The following MYO1E variants were observed in gnomAD, a reference collection of about 807,000 sequenced individuals.
The protein encoded by MYO1E is myosin IE.
Under a neutral mutation model 151.1 loss-of-function variants are expected in MYO1E, and 68 were observed. The observed-to-expected ratio is 0.45, with a 90% CI of 0.37 to 0.55. MYO1E has a LOEUF of 0.55. Ranked by LOEUF, MYO1E falls within the 20% of genes least tolerant of loss-of-function variation. The pLI, the probability that MYO1E is intolerant of heterozygous loss-of-function variation, is 0.00. For missense variants in MYO1E, 1,363 were observed against 1,389.3 expected (o/e 0.98, Z 0.30); for synonymous variants, 601 against 501.7 (o/e 1.20, Z -2.64).
At chr15:59,207,245 T>C (rs773984286) in intron 14 of MYO1E, 1 of 1,614,232 alleles carries the variant, frequency 6.2e-7, no homozygotes, top group Admixed American at 1.7e-5. Context: ...CTTGTGGATC[T>C]TGATGAAGAC....
chr15:59,214,664 G>A lies in MYO1E; in HGVS notation c.1164C>T (p.Asp388=), dbSNP rs1566981210. The change falls in exon 11 of 28, where the codon GAC becomes GAT. Residue 388 remains aspartate (D), a synonymous_variant. Coordinates refer to ENST00000288235, the MANE Select transcript of MYO1E (RefSeq NM_004998.4). ...CCTGGAATATTTCAAAGCCATAGATGTCTAGGACGCCAATGTTGTATTCTT... is the reference window on the plus strand; with the variant it reads ...CCTGGAATATTTCAAAGCCATAGATATCTAGGACGCCAATGTTGTATTCTT... The part of the protein sequence containing the change: ...DHEEYNIGVL[D]IYGFEIFQKN... The A allele has an allele frequency of 1.9e-6, 3 of 1,613,578 alleles. No homozygotes were observed. The highest frequency in any genetic ancestry group is 2.5e-6 in the Non-Finnish European group (3 of 1,179,484).
chr15:59,315,657 C>G (rs1328831588), intron 1 of MYO1E, among the ~76,000 whole-genome samples: 1 of 151,928 alleles, frequency 6.6e-6, no homozygotes, highest in Non-Finnish European at 1.5e-5. Context: ...AGACATGATA[C>G]TTATATCACT....
At chr15:59,218,870 C>A (rs1304561345) in intron 9 of MYO1E, among the ~76,000 whole-genome samples, 1 of 152,140 alleles carries the variant, frequency 6.6e-6, no homozygotes, top group Non-Finnish European at 1.5e-5. Flanking sequence ...GTGTGGGAGA[C>A]ATGATCAAGA....
intron 19 of MYO1E, among the ~76,000 whole-genome samples, chr15:59,177,469 CA>C (rs1487889967): frequency 6.6e-6 from 1 of 152,134 alleles, no homozygotes; most frequent in East Asian, 1.9e-4. Flanking sequence ...TGTGAGTTCC[CA>C]TATGATTTCC....
chr15:59,349,825 G>A (rs2080814236), intron 1 of MYO1E, among the ~76,000 whole-genome samples: 1 of 152,136 alleles, frequency 6.6e-6, no homozygotes, highest in Non-Finnish European at 1.5e-5. Flanking sequence ...TCCTTAACAG[G>A]CAACATGCAA....
At chr15:59,249,856 C>A (rs1044813374) in intron 4 of MYO1E, among the ~76,000 whole-genome samples, 1 of 152,198 alleles carries the variant, frequency 6.6e-6, no homozygotes, top group African/African-American at 2.4e-5. Flanking sequence ...CCTGCCCCAT[C>A]CAGTGTCAGG....
At chr15:59,264,402 C>T (rs755572925) in intron 2 of MYO1E, among the ~76,000 whole-genome samples, 4 of 152,070 alleles carry the variant, frequency 2.6e-5, no homozygotes, top group Admixed American at 6.6e-5. Context: ...GGTACTGTTG[C>T]GTTAATATTA....
intron 4 of MYO1E, among the ~76,000 whole-genome samples, chr15:59,252,545 T>C (rs2080171177): frequency 6.6e-6 from 1 of 152,126 alleles, no homozygotes; most frequent in African/African-American, 2.4e-5. Context: ...GGAAACCCCG[T>C]CTCTACTGAA....
At chr15:59,257,835 T>C (rs570328602) in intron 3 of MYO1E, among the ~76,000 whole-genome samples, 4 of 152,300 alleles carry the variant, frequency 2.6e-5, no homozygotes, top group Admixed American at 6.5e-5. Context: ...TAGGAGTGGA[T>C]ACCTGGATAG....
chr15:59,187,653 A>G (rs1221606489), intron 18 of MYO1E, among the ~76,000 whole-genome samples: 10 of 152,252 alleles, frequency 6.6e-5, no homozygotes, highest in Non-Finnish European at 1.3e-4. Flanking sequence ...AGCATTATTC[A>G]TAATAGCCAA....
chr15:59,219,694 T>C (rs2079941677), intron 9 of MYO1E, among the ~76,000 whole-genome samples: 2 of 152,246 alleles, frequency 1.3e-5, no homozygotes, highest in South Asian at 2.1e-4. Context: ...AAAATGGCCA[T>C]TATCCTTAGT....
At chr15:59,291,161 T>C (rs2080416335) in intron 1 of MYO1E, among the ~76,000 whole-genome samples, 1 of 152,184 alleles carries the variant, frequency 6.6e-6, no homozygotes, top group African/African-American at 2.4e-5. Flanking sequence ...CTGAAAGGAT[T>C]TGTACGATAC....
chr15:59,163,074 C>T (rs1198248083), intron 23 of MYO1E, 83 bp downstream of exon 23: 25 of 1,517,172 alleles, frequency 1.6e-5, no homozygotes, highest in African/African-American at 2.8e-5. Flanking sequence ...AGGCCTCCTC[C>T]AGCCCCATCC....
At chr15:59,315,549 T>TTAAAA (rs1272853634) in intron 1 of MYO1E, among the ~76,000 whole-genome samples, 8 of 128,820 alleles carry the variant, frequency 6.2e-5, no homozygotes, top group African/African-American at 2.2e-4. Flanking sequence ...AACTAAAAAT[T>TTAAAA]AAAAAAAAAA....
chr15:59,214,191 A>G (rs371252966), intron 12 of MYO1E, 37 bp downstream of exon 12: 1 of 1,510,050 alleles, frequency 6.6e-7, no homozygotes, highest in South Asian at 1.2e-5. Context: ...AAAATAAATT[A>G]TAAATAGAAT....
intron 1 of MYO1E, among the ~76,000 whole-genome samples, chr15:59,275,987 G>T (rs141802511): frequency 6.6e-6 from 1 of 152,188 alleles, no homozygotes; most frequent in Non-Finnish European, 1.5e-5. Context: ...GTGTGGTGGG[G>T]CATTGTTACC....
intron 23 of MYO1E, among the ~76,000 whole-genome samples, chr15:59,161,625 G>A (rs534544375): frequency 6.6e-6 from 1 of 152,286 alleles, no homozygotes; most frequent in South Asian, 2.1e-4. Context: ...GCTTGTGGAG[G>A]ACTGAGAGAT....
intron 1 of MYO1E, among the ~76,000 whole-genome samples, chr15:59,292,146 T>G (rs367750656): frequency 1.9e-4 from 29 of 152,336 alleles, no homozygotes; most frequent in African/African-American, 7.0e-4. Flanking sequence ...TGGCTGTGGA[T>G]AAAGGCAAGG....
rs143645096 is a variant in MYO1E, at chr15:59,177,687, G to A, written c.2049+706C>T. ...ACAGAACTTCCTGTGGACATTCATG[G>A]GGCTCACTGACCACACTCTCATCAG... On this transcript the variant is annotated intron_variant, in intron 19 of 27. Transcript: ENST00000288235. Among the ~76,000 whole-genome samples, 895 of 152,294 alleles carry A rather than the reference G, an allele frequency of 5.9e-3. 9 individuals carry two copies. Among genetic ancestry groups the A allele is most frequent in the Non-Finnish European group, 7.6e-3 (517 of 68,032 alleles).
Sources: gnomAD v4.1 joint callset for allele counts (sites outside exome capture counted in the v4.1 genomes callset) on GRCh38, gnomAD v4.1.1 for gene constraint, MANE v1.5 for transcripts, NCBI Gene and HGNC (gene_info 2026-07-23, HGNC 2026-07-21) for gene names.